Variants in FILIP1 observed in about 807,000 individuals in gnomAD.
FILIP1 encodes the protein filamin A interacting protein 1.
Under a neutral mutation model 102.1 loss-of-function variants are expected in FILIP1, and 61 were observed. That is an observed-to-expected ratio of 0.60 (90% CI 0.49 to 0.74). The LOEUF is 0.74. Ranked by LOEUF, FILIP1 falls within the 30% of genes least tolerant of loss-of-function variation. The probability of loss-of-function intolerance (pLI) is 0.00; values close to 1 mark genes in which losing one functional copy is unlikely to be tolerated. For missense variants in FILIP1, 1,314 were observed against 1,441.2 expected (o/e 0.91, Z 1.43); for synonymous variants, 491 against 526.9 (o/e 0.93, Z 0.93).
chr6:75,350,438 C>T (rs888744040), intron 4 of FILIP1, among the ~76,000 whole-genome samples: 9 of 141,344 alleles, frequency 6.4e-5, no homozygotes, highest in African/African-American at 1.1e-4. Flanking sequence ...AAACTTTCTA[C>T]GTAGCACTTT....
At chr6:75,345,140 G>A (rs1368063738) in intron 4 of FILIP1, among the ~76,000 whole-genome samples, 1 of 152,088 alleles carries the variant, frequency 6.6e-6, no homozygotes, top group Non-Finnish European at 1.5e-5. Context: ...TACATAGCTT[G>A]TTGAAATCAT....
intron 1 of FILIP1, among the ~76,000 whole-genome samples, chr6:75,490,460 A>C (rs1779922326): frequency 6.6e-6 from 1 of 152,188 alleles, no homozygotes; most frequent in Non-Finnish European, 1.5e-5. Context: ...CAGAAAAAGG[A>C]TCATAACGTA....
chr6:75,426,719 GA>G (rs1777638223), intron 1 of FILIP1, among the ~76,000 whole-genome samples: 1 of 151,314 alleles, frequency 6.6e-6, no homozygotes, highest in Non-Finnish European at 1.5e-5. Context: ...CATTTTACAA[GA>G]AAGAACCATG....
intron 6 of FILIP1, among the ~76,000 whole-genome samples, chr6:75,296,341 TTGTGTGTGTG>T (rs57430339): frequency 1.0e-3 from 148 of 141,528 alleles, no homozygotes; most frequent in East Asian, 2.8e-3. Flanking sequence ...TTCAATTTCT[TTGTGTGTGTG>T]TGTGTGTGTG....
Position 75,435,059 on chromosome 6 carries a change from T to C in FILIP1, c.-6-20081A>G, listed in dbSNP as rs183160142. Among the ~76,000 whole-genome samples, 4 of 152,340 alleles carry C rather than the reference T, an allele frequency of 2.6e-5. No individual in the cohort carries two copies. The East Asian group carries it at 7.7e-4, about 29-fold the overall frequency. On this transcript the variant is annotated intron_variant, in intron 1 of 5. Transcript: ENST00000237172. ...GCTCACTTGATCATAGTGGATAAAC[T>C]TTTTGCTGTGCTGCTAGATTCAGTT...
At chr6:75,437,131 T>C (rs924889719) in intron 1 of FILIP1, among the ~76,000 whole-genome samples, 2 of 152,208 alleles carry the variant, frequency 1.3e-5, no homozygotes, top group African/African-American at 4.8e-5. Context: ...TGGAGAGATA[T>C]ACCAGATAAA....
intron 1 of FILIP1, among the ~76,000 whole-genome samples, chr6:75,436,198 C>A (rs1490744584): frequency 6.6e-6 from 1 of 151,912 alleles, no homozygotes; most frequent in Non-Finnish European, 1.5e-5. Flanking sequence ...CATGGTGAAA[C>A]CCTGTCTCTA....
intron 1 of FILIP1, among the ~76,000 whole-genome samples, chr6:75,427,180 A>T (rs1178156941): frequency 6.6e-6 from 1 of 152,194 alleles, no homozygotes; most frequent in Non-Finnish European, 1.5e-5. Flanking sequence ...AATAATCACC[A>T]GATAAAATTT....
chr6:75,375,653 G>A (rs1007935603), intron 2 of FILIP1, among the ~76,000 whole-genome samples: 4 of 152,210 alleles, frequency 2.6e-5, no homozygotes, highest in African/African-American at 9.6e-5. Flanking sequence ...ACTGGTGAGG[G>A]CTGGAGATAT....
At position 75,314,432 on chromosome 6, in the gene FILIP1, A is replaced by G. The variant is rs777628730; in HGVS notation, c.1400T>C (p.Leu467Pro). The G allele has an allele frequency of 1.1e-5, 18 of 1,565,626 alleles. No individual in the cohort carries two copies. Among genetic ancestry groups the G allele is most frequent in the Non-Finnish European group, 1.5e-5 (18 of 1,162,816 alleles). Residue 467 changes from leucine to proline, a missense_variant, in exon 5 of 6, where the codon CTA becomes CCA. Coordinates refer to ENST00000237172, the MANE Select transcript of FILIP1 (RefSeq NM_015687.5). ...ACTCTTGACCACCTCCAATTCATTT[A>G]GCAGGTCTTTGGTTAAGTTCTTTTC... Reference protein sequence around the residue: ...EKEKNLTKDLLNELEVVKSRV... With the variant: ...EKEKNLTKDLPNELEVVKSRV...
chr6:75,301,603 G>A (rs762054493), intron 6 of FILIP1, among the ~76,000 whole-genome samples: 20 of 152,158 alleles, frequency 1.3e-4, no homozygotes, highest in Non-Finnish European at 2.2e-4. Context: ...TACCAGGTAA[G>A]TAATTAATCA....
intron 1 of FILIP1, among the ~76,000 whole-genome samples, chr6:75,490,964 A>T (rs1779939808): frequency 6.6e-6 from 1 of 152,144 alleles, no homozygotes; most frequent in Non-Finnish European, 1.5e-5. Flanking sequence ...CCTGCAGCTG[A>T]GAAGCTCCAA....
At chr6:75,344,319 G>A (rs1774509894) in intron 4 of FILIP1, among the ~76,000 whole-genome samples, 1 of 152,092 alleles carries the variant, frequency 6.6e-6, no homozygotes, top group Non-Finnish European at 1.5e-5. Flanking sequence ...TAATGTCTAG[G>A]CCATCAAAGG....
chr6:75,295,995 T>G (rs550225996), intron 6 of FILIP1: 1 of 1,307,136 alleles, frequency 7.7e-7, no homozygotes, highest in East Asian at 2.9e-5. Flanking sequence ...AAACTGAAAC[T>G]GAGAATCAAG....
intron 1 of FILIP1, among the ~76,000 whole-genome samples, chr6:75,488,616 T>C (rs1049340581): frequency 2.6e-5 from 4 of 152,168 alleles, no homozygotes; most frequent in African/African-American, 9.6e-5. Flanking sequence ...ACACAAAGTT[T>C]TCATTAGAGA....
At chr6:75,422,067 G>A (rs1443569734) in intron 1 of FILIP1, among the ~76,000 whole-genome samples, 5 of 151,994 alleles carry the variant, frequency 3.3e-5, no homozygotes, top group Admixed American at 6.6e-5. Context: ...TTATACAAAA[G>A]AGAAAAGCAT....
Position 75,313,248 on chromosome 6 carries a change from C to T in FILIP1, c.2584G>A (p.Glu862Lys). Reference protein sequence around the residue: ...VLDRYPPAANELTMRKSWIPW... With the variant: ...VLDRYPPAANKLTMRKSWIPW... ...ATCCAAGACTTTCTCATAGTGAGCT[C>T]ATTTGCTGCTGGAGGATACCTGTCT... Residue 862 changes from glutamate (E) to lysine (K), a missense_variant, in exon 5 of 6, where the codon GAG becomes AAG. Coordinates refer to ENST00000237172, the MANE Select transcript of FILIP1 (RefSeq NM_015687.5). The surrounding 1 kb of genome is among the most constrained non-coding windows in gnomAD (Gnocchi z 4.2). The T allele has an allele frequency of 6.2e-7, 1 of 1,614,176 alleles. No individual in the cohort carries two copies. Among genetic ancestry groups the T allele is most frequent in the Non-Finnish European group, 8.5e-7 (1 of 1,180,042 alleles).
In FILIP1 at chr6:75,442,540, T is replaced by A. The variant is rs1778301858; in HGVS notation, c.-6-27562A>T. Among the ~76,000 whole-genome samples, 6 of 152,172 alleles carry A rather than the reference T, an allele frequency of 3.9e-5. No homozygotes were observed. The South Asian group carries it at 1.2e-3, about 32-fold the overall frequency. Reference sequence around the variant, plus strand: ...GCCGAGGCTGGCGGATCCCTCGCGGTTAGGAGCTGGAGACCAGCCCGGCCA... The same window carrying A: ...GCCGAGGCTGGCGGATCCCTCGCGGATAGGAGCTGGAGACCAGCCCGGCCA... On this transcript the variant is annotated intron_variant, in intron 1 of 5. Coordinates refer to ENST00000237172, the MANE Select transcript of FILIP1 (RefSeq NM_015687.5).
At chr6:75,355,066 G>A (rs923989898) in intron 3 of FILIP1, among the ~76,000 whole-genome samples, 8 of 152,144 alleles carry the variant, frequency 5.3e-5, no homozygotes, top group Non-Finnish European at 2.9e-5. Context: ...AGGCGGAGGC[G>A]TGTGGATTGC....
Sources: allele counts gnomAD v4.1 joint callset (sites outside exome capture counted in the v4.1 genomes callset), GRCh38; gene constraint gnomAD v4.1.1; non-coding constraint Gnocchi (gnomAD v3.1); transcripts MANE v1.5; gene names NCBI Gene and HGNC (gene_info 2026-07-23, HGNC 2026-07-21).